INTS6L: variants seen among roughly 807,000 people sequenced by gnomAD.
The protein encoded by INTS6L is integrator complex subunit 6-like.
A neutral mutation model predicts 64.7 loss-of-function variants in INTS6L; 18 were observed. The ratio of observed to expected loss-of-function variants is 0.28; its 90% CI spans 0.19 to 0.41. The LOEUF is 0.41. Ranked by LOEUF, INTS6L falls within the 10% of genes least tolerant of loss-of-function variation. The pLI, the probability that INTS6L is intolerant of heterozygous loss-of-function variation, is 1.00. For missense variants in INTS6L, 533 were observed against 661.0 expected, an observed-to-expected ratio of 0.81 and a Z score of 2.12; for synonymous variants, 227 against 235.9, an observed-to-expected ratio of 0.96 and a Z score of 0.34.
At chrX:135,544,599 C>T (rs1471148999) in intron 2 of INTS6L, among the ~76,000 whole-genome samples, 4 of 110,394 alleles carry the variant, frequency 3.6e-5, no homozygotes, top group Middle Eastern at 4.7e-3. Context: ...CTGGCCCATT[C>T]CTCTGTGACT....
rs781893747 is a variant in INTS6L at position 135,552,037 on chromosome X, A to G, written c.950A>G (p.Asp317Gly). Residue 317 changes from aspartate (D) to glycine (G), a missense_variant, in exon 8 of 18, where the codon GAT becomes GGT. Asp to Gly is a moderately conservative substitution (Grantham distance 94). Transcript: ENST00000639893. Reference sequence around the variant, plus strand: ...CCTGTTGTGAGGTTCTCCTGTGTAGATTGTGAGCCAATGGTAATAGACAAA... The same window carrying G: ...CCTGTTGTGAGGTTCTCCTGTGTAGGTTGTGAGCCAATGGTAATAGACAAA... ...SHPVVRFSCV[D>G]CEPMVIDKLP... is the part of the protein sequence containing the mutation. 14 of 1,205,676 alleles carry G rather than the reference A, an allele frequency of 1.2e-5. No individual in the cohort carries two copies. The highest frequency in any genetic ancestry group is 1.5e-5 in the Non-Finnish European group (13 of 893,774).
At chrX:135,575,305 C>G in intron 14 of INTS6L, 79 bp downstream of exon 14, 1 of 1,074,535 alleles carries the variant, frequency 9.3e-7, no homozygotes. Flanking sequence ...AAGATAAATA[C>G]AAATCAGAGG....
chrX:135,576,557 G>A (rs1161202262), intron 14 of INTS6L, among the ~76,000 whole-genome samples: 1 of 111,159 alleles, frequency 9.0e-6, no homozygotes, highest in Admixed American at 9.6e-5. Context: ...GACAAGAACA[G>A]CTCTTGGCTA....
chrX:135,528,441 C>A (rs2085801084), intron 2 of INTS6L, among the ~76,000 whole-genome samples: 2 of 111,476 alleles, frequency 1.8e-5, no homozygotes, highest in Middle Eastern at 4.3e-3. Flanking sequence ...GGTGGGGACA[C>A]TGTAAAGGCT....
intron 14 of INTS6L, among the ~76,000 whole-genome samples, chrX:135,575,591 T>A (rs782242834): frequency 8.9e-6 from 1 of 112,642 alleles, no homozygotes; most frequent in Non-Finnish European, 1.9e-5. Flanking sequence ...ATCCACGTCT[T>A]TCTCACTCCA....
chrX:135,521,426 G>T (rs2085550642), intron 2 of INTS6L, 108 bp downstream of exon 2: 1 of 800,792 alleles, frequency 1.2e-6, no homozygotes, highest in Non-Finnish European at 1.7e-6. Context: ...CCGGCGGGGC[G>T]GGCGGCGAGG....
intron 9 of INTS6L, among the ~76,000 whole-genome samples, chrX:135,566,141 TA>T (rs2086941254): frequency 8.9e-6 from 1 of 112,214 alleles, no homozygotes; most frequent in Non-Finnish European, 1.9e-5. Context: ...TGCTACTTGC[TA>T]GTTTCATGAC....
chrX:135,580,033 C>A lies in INTS6L; in HGVS notation c.2365C>A (p.Gln789Lys). 3 of 1,211,597 alleles carry A rather than the reference C, an allele frequency of 2.5e-6. No individual in the cohort carries two copies. The highest frequency in any genetic ancestry group is 3.4e-6 in the Non-Finnish European group (3 of 895,410). ...AKNCSLSVDD[Q>K]KDPVASTLGA... The stretch of plus-strand genomic sequence containing the variant: ...AAACTGCAGTCTCTCCGTAGATGAC[C>A]AAAAAGACCCAGTAGCATCTACTTT... The change falls in exon 16 of 18, where the codon CAA (glutamine) becomes AAA (lysine). Residue 789 changes from glutamine (Q) to lysine (K), a missense_variant. Gln to Lys is a moderately conservative substitution (Grantham distance 53). Coordinates refer to ENST00000639893, the MANE Select transcript of INTS6L (RefSeq NM_001351601.3).
At chrX:135,566,614 A>G (rs1335828533) in intron 9 of INTS6L, among the ~76,000 whole-genome samples, 1 of 112,199 alleles carries the variant, frequency 8.9e-6, no homozygotes, top group Non-Finnish European at 1.9e-5. Flanking sequence ...ACCAGAAAAT[A>G]TAAAATATCT....
intron 2 of INTS6L, among the ~76,000 whole-genome samples, chrX:135,533,021 T>G (rs1556506251): frequency 8.9e-6 from 1 of 112,210 alleles, no homozygotes; most frequent in Non-Finnish European, 1.9e-5. Flanking sequence ...AGACTGAAGT[T>G]AGCTATGTTC....
intron 11 of INTS6L, 107 bp downstream of exon 11, chrX:135,570,653 T>G: frequency 1.1e-6 from 1 of 876,557 alleles, no homozygotes; most frequent in Non-Finnish European, 1.5e-6. Flanking sequence ...TATATATCTC[T>G]ACACTTTATG....
At chrX:135,579,690 T>G in intron 15 of INTS6L, 98 bp from the exon 16 acceptor site, 31 of 1,070,700 alleles carry the variant, frequency 2.9e-5, no homozygotes, top group Non-Finnish European at 3.6e-5. Context: ...TCCTGCTTTA[T>G]GAGATAATTT....
intron 2 of INTS6L, among the ~76,000 whole-genome samples, chrX:135,535,669 T>C (rs1829082850): frequency 1.8e-5 from 2 of 112,204 alleles, no homozygotes; most frequent in African/African-American, 6.5e-5. Flanking sequence ...TCTGGGTTGT[T>C]TCAGAGCAAG....
chrX:135,565,925 T>G (rs2086937059), intron 9 of INTS6L, among the ~76,000 whole-genome samples: 1 of 112,092 alleles, frequency 8.9e-6, no homozygotes, highest in African/African-American at 3.2e-5. Flanking sequence ...TAACCTGTGT[T>G]TTCTGAGGAG....
chrX:135,547,669 C>T (rs1185691090), intron 6 of INTS6L, among the ~76,000 whole-genome samples: 1 of 111,662 alleles, frequency 9.0e-6, no homozygotes, highest in Non-Finnish European at 1.9e-5. Flanking sequence ...AGTTTCTGCA[C>T]CTCAGCAAGA....
chrX:135,529,664 C>A (rs2085849581), intron 2 of INTS6L, among the ~76,000 whole-genome samples: 1 of 111,861 alleles, frequency 8.9e-6, no homozygotes, highest in Non-Finnish European at 1.9e-5. Context: ...TTGGATCCTC[C>A]TAAATCCCAT....
chrX:135,526,879 T>G (rs1462465184), intron 2 of INTS6L, among the ~76,000 whole-genome samples: 2 of 112,208 alleles, frequency 1.8e-5, no homozygotes, highest in African/African-American at 6.5e-5. Flanking sequence ...CCCGGTACTC[T>G]TCCCCATAGA....
At chrX:135,563,512 T>G (rs1452313180) in intron 9 of INTS6L, among the ~76,000 whole-genome samples, 1 of 107,511 alleles carries the variant, frequency 9.3e-6, no homozygotes, top group African/African-American at 3.4e-5. Context: ...GGTCTGCTAG[T>G]GACAAATTCT....
intron 10 of INTS6L, 170 bp from the exon 11 acceptor site, chrX:135,570,266 C>T: frequency 2.7e-6 from 1 of 376,028 alleles, no homozygotes; most frequent in Non-Finnish European, 4.4e-6. Flanking sequence ...CTTTCTGCTC[C>T]TTACTTCTCT....
Sources: gnomAD v4.1 joint callset for allele counts (sites outside exome capture counted in the v4.1 genomes callset) on GRCh38, gnomAD v4.1.1 for gene constraint, MANE v1.5 for transcripts, NCBI Gene and HGNC (gene_info 2026-07-23, HGNC 2026-07-21) for gene names.